The following CUTC variants were observed in gnomAD, a reference collection of about 807,000 sequenced individuals.
CUTC encodes the protein copper homeostasis protein cutC homolog.
In CUTC, 27 loss-of-function variants were observed where a neutral mutation model predicts 36.2. That is an observed-to-expected ratio of 0.75 (90% CI 0.55 to 1.03). The LOEUF (loss-of-function observed/expected upper bound fraction) is 1.03. Ranked by LOEUF, CUTC falls within the 50% of genes least tolerant of loss-of-function variation. CUTC has a pLI of 0.00. For missense variants in CUTC, 315 were observed against 343.5 expected, an observed-to-expected ratio of 0.92 and a Z score of 0.66; for synonymous variants, 114 against 118.3, an observed-to-expected ratio of 0.96 and a Z score of 0.24.
At chr10:99,752,881 T>C (rs1042125202) in intron 7 of CUTC, among the ~76,000 whole-genome samples, 1 of 152,176 alleles carries the variant, frequency 6.6e-6, no homozygotes, top group Non-Finnish European at 1.5e-5. Context: ...AATAGACTTA[T>C]AAACACAAAT....
At chr10:99,734,121 G>A (rs1028913057) in intron 1 of CUTC, among the ~76,000 whole-genome samples, 1 of 147,518 alleles carries the variant, frequency 6.8e-6, no homozygotes, top group Non-Finnish European at 1.5e-5. Flanking sequence ...CCAGGCTGGA[G>A]TGCAGTGGCC....
chr10:99,736,390 T>C (rs2133662421), intron 2 of CUTC, 73 bp downstream of exon 2: 3 of 1,124,140 alleles, frequency 2.7e-6, no homozygotes, highest in Non-Finnish European at 4.1e-6. Flanking sequence ...TGTGTGCTTA[T>C]CTCAGAAGCC....
intron 3 of CUTC, among the ~76,000 whole-genome samples, chr10:99,741,087 C>G (rs1016218066): frequency 2.0e-5 from 3 of 152,082 alleles, no homozygotes; most frequent in African/African-American, 7.2e-5. Flanking sequence ...TATTTTCCTG[C>G]CTTGTAATTT....
intron 8 of CUTC, 85 bp from the exon 9 acceptor site, chr10:99,755,540 C>G (rs1773111099): frequency 1.2e-6 from 1 of 806,876 alleles, no homozygotes; most frequent in African/African-American, 1.7e-5. Context: ...ACCCTTGTAT[C>G]ATGAAATAGT....
chr10:99,751,365 G>C (rs1050121428), intron 7 of CUTC, among the ~76,000 whole-genome samples: 11 of 152,196 alleles, frequency 7.2e-5, no homozygotes, highest in Admixed American at 4.6e-4. Flanking sequence ...TTGTTTGTTT[G>C]TTTGTTTTTA....
intron 3 of CUTC, among the ~76,000 whole-genome samples, chr10:99,742,334 A>G (rs562259654): frequency 3.3e-5 from 5 of 152,206 alleles, no homozygotes; most frequent in African/African-American, 1.2e-4. Flanking sequence ...TGATAATAGC[A>G]TTATTTAATG....
At chr10:99,734,579 T>C (rs2037279056) in intron 1 of CUTC, among the ~76,000 whole-genome samples, 1 of 152,168 alleles carries the variant, frequency 6.6e-6, no homozygotes, top group South Asian at 2.1e-4. Flanking sequence ...TACCAGTATG[T>C]GAGGAACATT....
intron 1 of CUTC, among the ~76,000 whole-genome samples, chr10:99,733,938 G>A (rs1470076806): frequency 1.3e-5 from 2 of 152,102 alleles, no homozygotes; most frequent in Non-Finnish European, 2.9e-5. Context: ...CATCAGCATC[G>A]GCCAGTGCCA....
chr10:99,732,340 G>A lies in CUTC; in HGVS notation c.-9G>A. On this transcript the variant is annotated 5_prime_UTR_variant, in exon 1 of 9. Transcript: ENST00000370476. The stretch of plus-strand genomic sequence containing the variant: ...AACTGCAGGCGCACGAGGGAGGAAC[G>A]CGTGGAGCATGAAAAGGCAGGGGGC... The A allele has an allele frequency of 1.3e-6, 2 of 1,552,158 alleles. No individual in the cohort carries two copies. The highest frequency in any genetic ancestry group is 1.7e-6 in the Non-Finnish European group (2 of 1,147,504).
At chr10:99,732,484 G>C in intron 1 of CUTC, 75 bp downstream of exon 1, 2 of 1,544,122 alleles carry the variant, frequency 1.3e-6, no homozygotes, top group Non-Finnish European at 1.7e-6. Flanking sequence ...CGTAGTCAGT[G>C]GTGATTTCTT....
rs779955623 is a variant in CUTC, at chr10:99,754,536, T to C, written c.609T>C (p.Gly203=). The C allele has an allele frequency of 6.2e-7, 1 of 1,608,030 alleles. No homozygotes were observed. Among genetic ancestry groups the C allele is most frequent in the South Asian group, 1.1e-5 (1 of 90,828 alleles). ...ACTTATTCTTTGCAACAGGAGGTGG[T>C]ATAACAGACAGAAATCTACAAAGGA... ...KGRIVVMPGG[G]ITDRNLQRIL... is the part of the protein sequence containing the mutation. The change falls in exon 8 of 9, where the codon GGT becomes GGC. Residue 203 remains glycine, a synonymous_variant. Coordinates refer to ENST00000370476, the MANE Select transcript of CUTC (RefSeq NM_015960.3).
intron 7 of CUTC, among the ~76,000 whole-genome samples, chr10:99,753,624 T>C (rs1564658406): frequency 2.0e-5 from 3 of 152,190 alleles, no homozygotes; most frequent in Non-Finnish European, 2.9e-5. Context: ...TTGCCCAGGC[T>C]GGTCTCAAAC....
intron 3 of CUTC, among the ~76,000 whole-genome samples, chr10:99,741,133 T>C (rs1257331762): frequency 1.3e-5 from 2 of 152,254 alleles, no homozygotes; most frequent in Admixed American, 6.5e-5. Flanking sequence ...TTTTACTTTA[T>C]TGGTTACTAG....
At chr10:99,741,882 A>T (rs570055924) in intron 3 of CUTC, among the ~76,000 whole-genome samples, 97 of 152,018 alleles carry the variant, frequency 6.4e-4, no homozygotes, top group South Asian at 1.0e-3. Context: ...TATCTTTTTT[A>T]AAAAAAATCC....
intron 3 of CUTC, among the ~76,000 whole-genome samples, chr10:99,742,281 C>G (rs1040257310): frequency 6.6e-6 from 1 of 151,958 alleles, no homozygotes; most frequent in Non-Finnish European, 1.5e-5. Context: ...AAGCAGAAGT[C>G]TGTGTATGAA....
At chr10:99,749,861 G>A (rs932643560) in intron 6 of CUTC, among the ~76,000 whole-genome samples, 8 of 151,736 alleles carry the variant, frequency 5.3e-5, no homozygotes, top group African/African-American at 1.9e-4. Context: ...GCATTGTCTC[G>A]TCTTTCTTGA....
Position 99,739,752 on chromosome 10 carries a change from G to C in CUTC, c.176G>C (p.Gly59Ala), listed in dbSNP as rs1400199690. The change falls in exon 3 of 9, where the codon GGA becomes GCA. Residue 59 changes from glycine to alanine, a missense_variant. Physicochemically the swap from Gly to Ala is moderately conservative, Grantham distance 60. Transcript: ENST00000370476. ...TTATGTTCTGGTTTATCAGAGGGGG[G>C]AACTACACCCAGCATGGGTAAGTGT... Reference protein sequence around the residue: ...IELCSGLSEGGTTPSMGVLQV... With the variant: ...IELCSGLSEGATTPSMGVLQV... 6.2e-7 allele frequency: 1 copy of C among 1,610,646 alleles called. No homozygotes were observed. The highest frequency in any genetic ancestry group is 1.7e-5 in the Admixed American group (1 of 59,274).
At position 99,736,331 on chromosome 10, in the gene CUTC, G is replaced by A; in HGVS notation, c.133+14G>A. The A allele has an allele frequency of 6.3e-7, 1 of 1,591,428 alleles. No individual in the cohort carries two copies. Among genetic ancestry groups the A allele is most frequent in the South Asian group, 1.1e-5 (1 of 90,604 alleles). ...CAGAAAGAGGAGGTAAGAGAAATCA[G>A]ATAGTGAATGACCGTTGGCTACCCT... is the stretch of plus-strand genomic sequence containing the variant. On this transcript the variant is annotated intron_variant, in intron 2 of 8. Transcript: ENST00000370476.
chr10:99,750,289 T>C (rs538108195), intron 6 of CUTC, 80 bp from the exon 7 acceptor site: 6 of 1,010,238 alleles, frequency 5.9e-6, no homozygotes, highest in East Asian at 2.6e-5. Context: ...TTCTGACTTA[T>C]GTTTCTATTC....
Sources: allele counts gnomAD v4.1 joint callset (sites outside exome capture counted in the v4.1 genomes callset), GRCh38; gene constraint gnomAD v4.1.1; transcripts MANE v1.5; gene names NCBI Gene and HGNC (gene_info 2026-07-23, HGNC 2026-07-21).